The following SLC5A8 variants were observed in gnomAD, a reference collection of about 807,000 sequenced individuals.
SLC5A8 encodes the protein sodium-coupled monocarboxylate transporter 1.
A neutral mutation model predicts 71.9 loss-of-function variants in SLC5A8; 55 were observed. The ratio of observed to expected loss-of-function variants is 0.77; its 90% CI spans 0.62 to 0.96. The LOEUF (loss-of-function observed/expected upper bound fraction) is 0.96. Among genes scored for constraint, SLC5A8 ranks in the 40% least tolerant of loss-of-function variants. SLC5A8 has a pLI of 0.00. For synonymous variants in SLC5A8, 307 were observed against 276.1 expected (o/e 1.11, Z -1.11); for missense variants, 701 against 745.3 (o/e 0.94, Z 0.69).
At chr12:101,175,265 C>A (rs1448427541) in intron 10 of SLC5A8, among the ~76,000 whole-genome samples, 1 of 151,638 alleles carries the variant, frequency 6.6e-6, no homozygotes, top group Admixed American at 6.6e-5. Context: ...CCAAACTGAA[C>A]AATAGAGAGA....
Position 101,190,451 on chromosome 12 carries a change from C to A in SLC5A8, c.833+17G>T. On this transcript the variant is annotated intron_variant, in intron 6 of 14. Coordinates refer to ENST00000536262, the MANE Select transcript of SLC5A8 (RefSeq NM_145913.5). ...TGATGGTTATTAATGATTCATATACCATGGTGTGTGACTTACAGTTTTGCC... is the reference window on the plus strand; with the variant it reads ...TGATGGTTATTAATGATTCATATACAATGGTGTGTGACTTACAGTTTTGCC... The A allele has an allele frequency of 1.2e-6, 2 of 1,608,420 alleles. No homozygotes were observed. The highest frequency in any genetic ancestry group is 1.7e-6 in the Non-Finnish European group (2 of 1,177,800).
At position 101,209,742 on chromosome 12, in the gene SLC5A8, CCAGCGAAGGCGTA is replaced by C; in HGVS notation, c.94_106del (p.Tyr32GlyfsTer11). 6.2e-7 allele frequency: 1 copy of C among 1,612,672 alleles called. No homozygotes were observed. The highest frequency in any genetic ancestry group is 8.5e-7 in the Non-Finnish European group (1 of 1,179,822). On this transcript the variant is annotated frameshift_variant, in exon 1 of 15. Transcript: ENST00000536262. LOFTEE classifies it high-confidence loss of function. Reference sequence around the variant, plus strand: ...GTCCTTGGAGGTCTGCTGGCCGCCCCCAGCGAAGGCGTAGTAGATGCCGATGGCGGCCGAGATG... The same window carrying C: ...GTCCTTGGAGGTCTGCTGGCCGCCCCGTAGATGCCGATGGCGGCCGAGATG...
intron 5 of SLC5A8, among the ~76,000 whole-genome samples, chr12:101,191,568 A>G (rs549661699): frequency 2.6e-5 from 4 of 152,358 alleles, no homozygotes; most frequent in Non-Finnish European, 5.9e-5. Context: ...AGAAGCTACT[A>G]TATTAGCTAA....
chr12:101,189,861 G>C (rs1479905850), intron 6 of SLC5A8, among the ~76,000 whole-genome samples: 1 of 152,102 alleles, frequency 6.6e-6, no homozygotes, highest in Non-Finnish European at 1.5e-5. Flanking sequence ...CATATACTAG[G>C]CCTTTACCAT....
intron 1 of SLC5A8, among the ~76,000 whole-genome samples, chr12:101,208,348 A>G (rs909899877): frequency 6.6e-6 from 1 of 152,142 alleles, no homozygotes; most frequent in Non-Finnish European, 1.5e-5. Flanking sequence ...CCCCAGCACC[A>G]GTTGAACCAG....
At chr12:101,166,411 T>C in intron 12 of SLC5A8, 83 bp downstream of exon 12, 1 of 1,192,368 alleles carries the variant, frequency 8.4e-7, no homozygotes, top group Non-Finnish European at 1.2e-6. Context: ...CACAGTGTTG[T>C]AAGCAAGACA....
chr12:101,171,954 G>A (rs2051833723), intron 10 of SLC5A8, among the ~76,000 whole-genome samples: 1 of 152,198 alleles, frequency 6.6e-6, no homozygotes, highest in African/African-American at 2.4e-5. Flanking sequence ...GGACTCAGTG[G>A]TAGCAGGCTT....
chr12:101,188,126 T>C (rs2137152610), intron 6 of SLC5A8, among the ~76,000 whole-genome samples: 1 of 152,314 alleles, frequency 6.6e-6, no homozygotes, highest in Middle Eastern at 3.4e-3. Flanking sequence ...GGCTGTACCA[T>C]AAGTGACCCT....
chr12:101,158,580 CTCTCTCTCTCTCTCTCTCTATATA>C (rs1165522635), intron 13 of SLC5A8, among the ~76,000 whole-genome samples: 13 of 59,490 alleles, frequency 2.2e-4, no homozygotes, highest in African/African-American at 5.1e-4. Flanking sequence ...CTCTCTCTCT[CTCTCTCTCTCTCTCTCTCTATATA>C]TATATATATA....
chr12:101,178,859 G>A (rs2051905915), intron 10 of SLC5A8, among the ~76,000 whole-genome samples: 1 of 150,934 alleles, frequency 6.6e-6, no homozygotes, highest in Admixed American at 6.6e-5. Flanking sequence ...CCTGTTATGA[G>A]GATAAAAAGA....
In SLC5A8 at chr12:101,156,283, A is replaced by T. The variant is rs892735604; in HGVS notation, c.*996T>A. On this transcript the variant is annotated 3_prime_UTR_variant, in exon 15 of 15. Coordinates refer to ENST00000536262, the MANE Select transcript of SLC5A8 (RefSeq NM_145913.5). The stretch of plus-strand genomic sequence containing the variant: ...TTCAAAAGTTCAACTTAATAGCATT[A>T]AGTGTAGTCATCTAACTCCATGGAG... 2.0e-5 allele frequency: 3 copies of T among 152,366 alleles called. No homozygotes were observed. Among genetic ancestry groups the T allele is most frequent in the East Asian group, 1.9e-4 (1 of 5,190 alleles). The allele number at this position is 152,366 out of a possible 1,614,324, so 9.4% of individuals were successfully genotyped here.
intron 1 of SLC5A8, among the ~76,000 whole-genome samples, chr12:101,205,221 G>C (rs1346509509): frequency 6.6e-6 from 1 of 152,210 alleles, no homozygotes; most frequent in Non-Finnish European, 1.5e-5. Context: ...TGAAAAGGCT[G>C]CCCCGGTTTC....
intron 10 of SLC5A8, among the ~76,000 whole-genome samples, chr12:101,173,877 C>T (rs962832328): frequency 1.3e-5 from 2 of 152,182 alleles, no homozygotes; most frequent in Admixed American, 1.3e-4. Flanking sequence ...GCCAGAGACA[C>T]ACCAGCCAGT....
At chr12:101,187,111 T>A (rs1868677674) in intron 7 of SLC5A8, among the ~76,000 whole-genome samples, 1 of 152,160 alleles carries the variant, frequency 6.6e-6, no homozygotes, top group Non-Finnish European at 1.5e-5. Context: ...AACAAAAAAC[T>A]GTGTTCACAT....
intron 11 of SLC5A8, among the ~76,000 whole-genome samples, chr12:101,167,829 G>A (rs774069609): frequency 3.3e-5 from 5 of 152,156 alleles, no homozygotes; most frequent in Non-Finnish European, 5.9e-5. Context: ...AAGTAGGTAC[G>A]TGCATAAAAA....
chr12:101,209,464 G>T (rs1482643082), intron 1 of SLC5A8, 34 bp downstream of exon 1: 2 of 1,501,246 alleles, frequency 1.3e-6, no homozygotes, highest in East Asian at 2.4e-5. Context: ...CTTCCCCCGC[G>T]CCCTGCATGG....
Position 101,184,819 on chromosome 12 carries a change from T to C in SLC5A8, c.964-597A>G, listed in dbSNP as rs548981744. ...GGAAATCCCTTAAACTTGCTTCTGT[T>C]AAAAAACTTCCTGATACTAACTTGC... On this transcript the variant is annotated intron_variant, in intron 7 of 14. Transcript: ENST00000536262. Among the ~76,000 whole-genome samples, 12 of 152,306 alleles carry C rather than the reference T, an allele frequency of 7.9e-5. 1 individual carries two copies. Among genetic ancestry groups the C allele is most frequent in the South Asian group, 4.1e-4 (2 of 4,830 alleles).
At chr12:101,196,205 C>T (rs768043099) in intron 3 of SLC5A8, among the ~76,000 whole-genome samples, 1 of 152,142 alleles carries the variant, frequency 6.6e-6, no homozygotes, top group East Asian at 1.9e-4. Flanking sequence ...TTGTTCTCCT[C>T]TGTGTGTCCA....
chr12:101,190,450 C>A lies in SLC5A8; in HGVS notation c.833+18G>T, dbSNP rs773682063. On this transcript the variant is annotated intron_variant, in intron 6 of 14. Transcript: ENST00000536262. ...CTGATGGTTATTAATGATTCATATACCATGGTGTGTGACTTACAGTTTTGC... is the reference window on the plus strand; with the variant it reads ...CTGATGGTTATTAATGATTCATATAACATGGTGTGTGACTTACAGTTTTGC... 3 of 1,608,690 alleles carry A rather than the reference C, an allele frequency of 1.9e-6. No homozygotes were observed. The highest frequency in any genetic ancestry group is 1.7e-5 in the Admixed American group (1 of 58,796).
Sources: allele counts gnomAD v4.1 joint callset (sites outside exome capture counted in the v4.1 genomes callset), GRCh38; gene constraint gnomAD v4.1.1; transcripts MANE v1.5; gene names NCBI Gene and HGNC (gene_info 2026-07-23, HGNC 2026-07-21).